Variants in ATXN1 observed in about 807,000 individuals in gnomAD.
ATXN1 encodes the protein ataxin-1.
Under a neutral mutation model 56.4 loss-of-function variants are expected in ATXN1, and 8 were observed. That is an observed-to-expected ratio of 0.14 (90% CI 0.08 to 0.26). The LOEUF is 0.26. Ranked by LOEUF, ATXN1 falls within the 10% of genes least tolerant of loss-of-function variation. ATXN1 has a pLI of 1.00. For synonymous variants in ATXN1, 514 were observed against 494.6 expected, an observed-to-expected ratio of 1.04 and a Z score of -0.52; for missense variants, 987 against 1,106.5, an observed-to-expected ratio of 0.89 and a Z score of 1.53.
intron 3 of ATXN1, among the ~76,000 whole-genome samples, chr6:16,613,127 C>T (rs1368818277): frequency 1.4e-5 from 2 of 147,610 alleles, no homozygotes; most frequent in Non-Finnish European, 3.0e-5. Context: ...TAGCCGGGCG[C>T]GGTGGCGGGC....
intron 3 of ATXN1, among the ~76,000 whole-genome samples, chr6:16,629,229 T>A (rs1763461937): frequency 6.6e-6 from 1 of 152,226 alleles, no homozygotes; most frequent in Non-Finnish European, 1.5e-5. Context: ...TGACCAGCGA[T>A]ATTGAGCTGC....
chr6:16,393,359 T>C (rs917943244), intron 6 of ATXN1, among the ~76,000 whole-genome samples: 1 of 152,154 alleles, frequency 6.6e-6, no homozygotes, highest in Non-Finnish European at 1.5e-5. Context: ...ATCAGCCTCC[T>C]GAGTAGCTAA....
chr6:16,475,566 G>T (rs1760310524), intron 6 of ATXN1, among the ~76,000 whole-genome samples: 1 of 152,184 alleles, frequency 6.6e-6, no homozygotes, highest in Non-Finnish European at 1.5e-5. Flanking sequence ...AGTAAATAAG[G>T]CTCAGAGAAG....
chr6:16,429,364 GTCCTTTT>G (rs1759227761), intron 6 of ATXN1, among the ~76,000 whole-genome samples: 1 of 87,196 alleles, frequency 1.1e-5, no homozygotes. Context: ...GATGTTTGGA[GTCCTTTT>G]AGCATTAAAA....
intron 5 of ATXN1, among the ~76,000 whole-genome samples, chr6:16,505,302 C>A (rs576832470): frequency 2.0e-5 from 3 of 152,144 alleles, no homozygotes; most frequent in Non-Finnish European, 4.4e-5. Flanking sequence ...CCAGCCAGCA[C>A]CAAACCATCA....
chr6:16,693,569 T>A (rs1307757428), intron 2 of ATXN1, among the ~76,000 whole-genome samples: 2 of 152,186 alleles, frequency 1.3e-5, no homozygotes, highest in African/African-American at 4.8e-5. Context: ...GACACTGAAC[T>A]GCTAATCATA....
chr6:16,591,405 A>G (rs1334065118), intron 3 of ATXN1, among the ~76,000 whole-genome samples: 1 of 152,222 alleles, frequency 6.6e-6, no homozygotes, highest in African/African-American at 2.4e-5. Flanking sequence ...GACAAAACCA[A>G]AAAAGTCTTA....
chr6:16,332,764 G>A (rs147633786), intron 6 of ATXN1, among the ~76,000 whole-genome samples: 5 of 152,262 alleles, frequency 3.3e-5, no homozygotes, highest in Non-Finnish European at 5.9e-5. Flanking sequence ...ATCTTAAGCC[G>A]CTTTAGAGCT....
intron 2 of ATXN1, among the ~76,000 whole-genome samples, chr6:16,711,370 A>G (rs1759518672): frequency 6.6e-6 from 1 of 152,168 alleles, no homozygotes; most frequent in African/African-American, 2.4e-5. Flanking sequence ...TTATAAAGAC[A>G]CAAAAAGCAT....
rs772718232 is a variant in ATXN1, at chr6:16,359,091, CCT to C, written c.-160-30623_-160-30622del. Among the ~76,000 whole-genome samples the C allele has an allele frequency of 2.0e-5, 3 of 152,368 alleles. No individual in the cohort carries two copies. The East Asian group carries it at 5.8e-4, about 29-fold the overall frequency. ...AGATGTGTCTGCGCCCACTGCCTGG[CCT>C]CTCTCCGTTCCAGGCACCCACTCAG... is the stretch of plus-strand genomic sequence containing the variant. On this transcript the variant is annotated intron_variant, in intron 6 of 7. Transcript: ENST00000436367.
At chr6:16,636,525 T>G (rs767709001) in intron 3 of ATXN1, among the ~76,000 whole-genome samples, 1 of 152,226 alleles carries the variant, frequency 6.6e-6, no homozygotes, top group East Asian at 1.9e-4. Flanking sequence ...GTGGTCACCC[T>G]GCTCTGCCTG....
chr6:16,470,491 TAAAA>T (rs199591858), intron 6 of ATXN1, among the ~76,000 whole-genome samples: 1 of 152,074 alleles, frequency 6.6e-6, no homozygotes, highest in African/African-American at 2.4e-5. Context: ...TTTACTATAA[TAAAA>T]AAAACTGGAA....
chr6:16,509,854 T>C (rs1761049541), intron 5 of ATXN1, among the ~76,000 whole-genome samples: 1 of 152,172 alleles, frequency 6.6e-6, no homozygotes, highest in Admixed American at 6.5e-5. Context: ...CCAACTGTTA[T>C]CTCCCACTTT....
At chr6:16,722,926 T>A (rs1301422746) in intron 2 of ATXN1, among the ~76,000 whole-genome samples, 1 of 152,132 alleles carries the variant, frequency 6.6e-6, no homozygotes, top group African/African-American at 2.4e-5. Flanking sequence ...ACACACACAC[T>A]CTCTCTCACA....
intron 3 of ATXN1, among the ~76,000 whole-genome samples, chr6:16,587,395 A>C (rs1442638532): frequency 1.3e-5 from 2 of 152,260 alleles, no homozygotes; most frequent in Non-Finnish European, 2.9e-5. Context: ...GTCTTAAAAA[A>C]TTCTTAAACA....
At chr6:16,603,787 C>T (rs1377637310) in intron 3 of ATXN1, among the ~76,000 whole-genome samples, 1 of 152,082 alleles carries the variant, frequency 6.6e-6, no homozygotes, top group Non-Finnish European at 1.5e-5. Flanking sequence ...GTGAAACTGG[C>T]CTGGTGGCTG....
chr6:16,544,349 G>C (rs1052641561), intron 4 of ATXN1, among the ~76,000 whole-genome samples: 1 of 152,186 alleles, frequency 6.6e-6, no homozygotes, highest in African/African-American at 2.4e-5. Flanking sequence ...CTGCTTGGGG[G>C]ACTCCGCCTC....
intron 6 of ATXN1, among the ~76,000 whole-genome samples, chr6:16,449,543 T>C (rs1373277577): frequency 6.6e-6 from 1 of 152,182 alleles, no homozygotes; most frequent in African/African-American, 2.4e-5. Context: ...ATTAATGTTA[T>C]AATTTAAAAA....
intron 4 of ATXN1, among the ~76,000 whole-genome samples, chr6:16,540,236 G>A (rs571561266): frequency 6.6e-6 from 1 of 152,080 alleles, no homozygotes; most frequent in South Asian, 2.1e-4. Context: ...TTTTGGAGAC[G>A]GAATCTTGTT....
Sources: gnomAD v4.1 joint callset for allele counts (sites outside exome capture counted in the v4.1 genomes callset) on GRCh38, gnomAD v4.1.1 for gene constraint, MANE v1.5 for transcripts, NCBI Gene and HGNC (gene_info 2026-07-23, HGNC 2026-07-21) for gene names.